The following BBOX1 variants were observed in gnomAD, a reference collection of about 807,000 sequenced individuals.
The protein encoded by BBOX1 is gamma-butyrobetaine dioxygenase.
BBOX1 carries 35 observed loss-of-function variants against 41.6 expected under a neutral mutation model. The observed-to-expected ratio is 0.84, with a 90% CI of 0.64 to 1.11. The LOEUF is 1.11. Ranked by LOEUF, BBOX1 falls within the 50% of genes most tolerant of loss-of-function variation. The pLI is 0.00. For missense variants in BBOX1, 458 were observed against 460.6 expected, an observed-to-expected ratio of 0.99 and a Z score of 0.05; for synonymous variants, 163 against 154.7, an observed-to-expected ratio of 1.05 and a Z score of -0.40.
chr11:27,107,610 A>C (rs1482060866), intron 5 of BBOX1, among the ~76,000 whole-genome samples: 1 of 151,946 alleles, frequency 6.6e-6, no homozygotes, highest in African/African-American at 2.4e-5. Flanking sequence ...CTTACTTGGA[A>C]TAGCATTAGA....
At chr11:27,051,896 C>A (rs1171011148) in intron 2 of BBOX1, among the ~76,000 whole-genome samples, 2 of 151,610 alleles carry the variant, frequency 1.3e-5, no homozygotes, top group Admixed American at 6.6e-5. Context: ...TATTTAAGAT[C>A]TTTTTTTATT....
At chr11:27,124,405 T>C (rs1321436971) in intron 7 of BBOX1, among the ~76,000 whole-genome samples, 1 of 152,218 alleles carries the variant, frequency 6.6e-6, no homozygotes, top group African/African-American at 2.4e-5. Flanking sequence ...ACCTTCCCAA[T>C]AAGCTACAAA....
chr11:27,070,521 T>C (rs1857409812), intron 4 of BBOX1, among the ~76,000 whole-genome samples: 1 of 152,138 alleles, frequency 6.6e-6, no homozygotes, highest in Non-Finnish European at 1.5e-5. Flanking sequence ...TGACCCTCTT[T>C]CTTTTTTGTT....
At chr11:27,093,586 G>A (rs1186102809) in intron 5 of BBOX1, among the ~76,000 whole-genome samples, 1 of 152,006 alleles carries the variant, frequency 6.6e-6, no homozygotes, top group Non-Finnish European at 1.5e-5. Context: ...CATCAGGCTA[G>A]TTATAGGTGG....
chr11:27,070,556 G>A (rs974947247), intron 4 of BBOX1, among the ~76,000 whole-genome samples: 2 of 152,120 alleles, frequency 1.3e-5, no homozygotes, highest in African/African-American at 2.4e-5. Context: ...TTTAAAGTCT[G>A]TTTAATCTGA....
At position 27,057,229 on chromosome 11, in the gene BBOX1, A is replaced by G. The variant is rs772980441; in HGVS notation, c.248A>G (p.Tyr83Cys). 6.2e-7 allele frequency: 1 copy of G among 1,611,132 alleles called. No homozygotes were observed. Among genetic ancestry groups the G allele is most frequent in the South Asian group, 1.1e-5 (1 of 90,180 alleles). The change falls in exon 4 of 9, where the codon TAC becomes TGC. Residue 83 changes from tyrosine (Y) to cysteine (C), a missense_variant. Tyr to Cys is a radical substitution (Grantham distance 194, BLOSUM62 -2). Coordinates refer to ENST00000263182, the MANE Select transcript of BBOX1 (RefSeq NM_003986.3). ...KVYITWPDEH[Y>C]SEFQADWLKK... is the part of the protein sequence containing the mutation. ...TACATCACATGGCCCGATGAGCATT[A>G]CAGTGAATTCCAGGCTGATTGGCTG...
Position 27,054,234 on chromosome 11 carries a change from T to TGTGTGTGTGTGTGTGTGTGTGC in BBOX1, c.-38-1158_-38-1157insTGTGTGTGTGTGTGTGTGTGCG, listed in dbSNP as rs1491475061. Among the ~76,000 whole-genome samples, 287 of 148,300 alleles carry TGTGTGTGTGTGTGTGTGTGTGC rather than the reference T, an allele frequency of 1.9e-3. 2 individuals carry two copies. The highest frequency in any genetic ancestry group is 3.1e-3 in the Non-Finnish European group (208 of 67,126). On this transcript the variant is annotated intron_variant, in intron 2 of 8. Transcript: ENST00000263182. ...GTGTGTGTGTGTGTGTGTGTGTGTG[T>TGTGTGTGTGTGTGTGTGTGTGC]GCGTGCACATGTGTACATGCATTCC...
chr11:27,074,162 C>T (rs534889000), intron 4 of BBOX1, among the ~76,000 whole-genome samples: 1 of 152,136 alleles, frequency 6.6e-6, no homozygotes, highest in East Asian at 1.9e-4. Flanking sequence ...ATGACTGTAA[C>T]TTTCCTGAGG....
In BBOX1 at chr11:27,055,582, G is replaced by A. The variant is rs187949127; in HGVS notation, c.152G>A (p.Arg51Gln). Residue 51 changes from arginine (R) to glutamine (Q), a missense_variant, in exon 3 of 9, where the codon CGG (arginine) becomes CAG (glutamine). By Grantham distance (43) the Arg-to-Gln change is conservative. Coordinates refer to ENST00000263182, the MANE Select transcript of BBOX1 (RefSeq NM_003986.3). ...TGCTACCTGGATTCTGCAAAAGCAC[G>A]GAAACTTCTAGTGGAAGCTCTTGAT... ...SDCYLDSAKA[R>Q]KLLVEALDVN... is the part of the protein sequence containing the mutation. 2.8e-5 allele frequency: 46 copies of A among 1,614,092 alleles called. No homozygotes were observed. Among genetic ancestry groups the A allele is most frequent in the South Asian group, 2.1e-4 (19 of 91,086 alleles).
intron 7 of BBOX1, among the ~76,000 whole-genome samples, chr11:27,123,249 T>C (rs1203958634): frequency 1.3e-5 from 2 of 152,082 alleles, no homozygotes; most frequent in Non-Finnish European, 2.9e-5. Context: ...CTTTTCTATA[T>C]AGGTGAACTC....
intron 4 of BBOX1, among the ~76,000 whole-genome samples, chr11:27,059,523 G>A (rs1857078840): frequency 6.6e-6 from 1 of 152,320 alleles, no homozygotes; most frequent in East Asian, 1.9e-4. Flanking sequence ...TAATGGAGCT[G>A]TGGGAAGAAA....
chr11:27,114,844 G>A (rs1859198908), intron 5 of BBOX1, among the ~76,000 whole-genome samples: 1 of 151,804 alleles, frequency 6.6e-6, no homozygotes, highest in Non-Finnish European at 1.5e-5. Flanking sequence ...TTGGGCAGTG[G>A]ATTCTTAGAT....
intron 7 of BBOX1, among the ~76,000 whole-genome samples, chr11:27,123,734 T>C (rs1859548335): frequency 6.6e-6 from 1 of 152,102 alleles, no homozygotes; most frequent in Non-Finnish European, 1.5e-5. Context: ...TACACAGTCT[T>C]TTCTACTGAC....
intron 4 of BBOX1, among the ~76,000 whole-genome samples, chr11:27,072,171 C>G (rs900955573): frequency 6.6e-6 from 1 of 151,984 alleles, no homozygotes; most frequent in Non-Finnish European, 1.5e-5. Context: ...TTTAGAAAAC[C>G]CCATCATCTC....
intron 4 of BBOX1, among the ~76,000 whole-genome samples, chr11:27,086,752 G>T (rs1858056521): frequency 6.6e-6 from 1 of 151,996 alleles, no homozygotes; most frequent in Non-Finnish European, 1.5e-5. Flanking sequence ...TGATGGCTGT[G>T]GGCAAAATAA....
At chr11:27,117,731 T>C (rs1004423654) in intron 6 of BBOX1, among the ~76,000 whole-genome samples, 2 of 152,042 alleles carry the variant, frequency 1.3e-5, no homozygotes, top group Non-Finnish European at 2.9e-5. Flanking sequence ...TAAATGTTCC[T>C]GAAGTATAAT....
At chr11:27,068,612 T>C (rs1439417011) in intron 4 of BBOX1, among the ~76,000 whole-genome samples, 1 of 152,098 alleles carries the variant, frequency 6.6e-6, no homozygotes, top group Non-Finnish European at 1.5e-5. Flanking sequence ...GTTTGCTACA[T>C]TTGCTTTTGG....
intron 4 of BBOX1, among the ~76,000 whole-genome samples, chr11:27,082,767 A>T (rs1006694232): frequency 6.6e-6 from 1 of 152,114 alleles, no homozygotes; most frequent in Non-Finnish European, 1.5e-5. Flanking sequence ...CGTTAGGTTC[A>T]TTGTTTTTTA....
At chr11:27,119,423 T>C (rs1859383036) in intron 6 of BBOX1, among the ~76,000 whole-genome samples, 1 of 151,980 alleles carries the variant, frequency 6.6e-6, no homozygotes, top group Non-Finnish European at 1.5e-5. Flanking sequence ...ACAGTATTGA[T>C]TATAAGCAAC....
Sources: gnomAD v4.1 joint callset for allele counts (sites outside exome capture counted in the v4.1 genomes callset) on GRCh38, gnomAD v4.1.1 for gene constraint, MANE v1.5 for transcripts, NCBI Gene and HGNC (gene_info 2026-07-23, HGNC 2026-07-21) for gene names.